Variants in WDHD1 observed in about 807,000 individuals in gnomAD.
WDHD1 encodes the protein WD repeat and HMG-box DNA-binding protein 1.
Under a neutral mutation model 135.4 loss-of-function variants are expected in WDHD1, and 111 were observed. The ratio of observed to expected loss-of-function variants is 0.82; its 90% CI spans 0.70 to 0.96. The LOEUF is 0.96. Among genes scored for constraint, WDHD1 ranks in the 40% least tolerant of loss-of-function variants. The pLI is 0.00. For synonymous variants in WDHD1, 434 were observed against 439.0 expected (o/e 0.99, Z 0.14); for missense variants, 1,351 against 1,336.3 (o/e 1.01, Z -0.17).
Position 54,963,166 on chromosome 14 carries a change from A to C in WDHD1, c.2317T>G (p.Cys773Gly). Residue 773 changes from cysteine (C) to glycine (G), a missense_variant, in exon 19 of 26, where the codon TGT becomes GGT. Physicochemically the swap from Cys to Gly is radical, Grantham distance 159 (BLOSUM62 -3). This residue lies in a region of WDHD1 where 1,330 missense variants were observed against 1,296.1 expected (regional missense o/e 1.03). Coordinates refer to ENST00000360586, the MANE Select transcript of WDHD1 (RefSeq NM_007086.4). Reference sequence around the variant, plus strand: ...CAACGGAATTCTCGCTCCAGTTTACAAGAAAGCTAATCCAAAAAGGGGGGG... The same window carrying C: ...CAACGGAATTCTCGCTCCAGTTTACCAGAAAGCTAATCCAAAAAGGGGGGG... ...ELLMKMLALS[C>G]KLEREFRCVE... 1.5e-6 allele frequency: 1 copy of C among 679,002 alleles called. No individual in the cohort carries two copies. The highest frequency in any genetic ancestry group is 1.4e-5 in the South Asian group (1 of 69,750). The allele number at this position is 679,002 out of a possible 1,614,324, so 42.1% of individuals were successfully genotyped here. A position where few individuals can be genotyped will look rare whatever the true frequency, so the allele number is the denominator to read the frequency against.
chr14:54,980,155 T>C (rs1245928014), intron 16 of WDHD1, among the ~76,000 whole-genome samples: 1 of 151,984 alleles, frequency 6.6e-6, no homozygotes, highest in Admixed American at 6.6e-5. Flanking sequence ...TGAAACCCTG[T>C]CTCTACAAAA....
In WDHD1 at chr14:55,008,703, T is replaced by C. The variant is rs2042113589; in HGVS notation, c.358A>G (p.Ile120Val). 3 of 1,610,508 alleles carry C rather than the reference T, an allele frequency of 1.9e-6. No homozygotes were observed. The highest frequency in any genetic ancestry group is 2.5e-6 in the Non-Finnish European group (3 of 1,179,088). ...TGGCTGCTATCCATCACATCCACAA[T>C]TTTGACTAGAAAATCACTAAGAACA... Reference protein sequence around the residue: ...AAGSSDFLVKIVDVMDSSQQK... With the variant: ...AAGSSDFLVKVVDVMDSSQQK... The change falls in exon 5 of 26, where the codon ATT (isoleucine) becomes GTT (valine). Residue 120 changes from isoleucine to valine, a missense_variant. By Grantham distance (29) the Ile-to-Val change is conservative. This residue lies in a region of WDHD1 where 1,330 missense variants were observed against 1,296.1 expected (regional missense o/e 1.03). Coordinates refer to ENST00000360586, the MANE Select transcript of WDHD1 (RefSeq NM_007086.4).
At chr14:54,950,732 A>G (rs8015172) in intron 24 of WDHD1, among the ~76,000 whole-genome samples, 43,620 of 152,056 alleles carry the variant, frequency 0.29, 6,349 homozygotes, top group South Asian at 0.32. Flanking sequence ...TCCAACACTG[A>G]CCACATAGTT....
intron 21 of WDHD1, among the ~76,000 whole-genome samples, chr14:54,957,949 C>T (rs1311312368): frequency 1.3e-5 from 2 of 152,162 alleles, no homozygotes; most frequent in African/African-American, 4.8e-5. Flanking sequence ...TTCTGCATCC[C>T]ATGCCCTCCT....
chr14:54,983,627 C>T (rs570995451), intron 15 of WDHD1, among the ~76,000 whole-genome samples: 29 of 151,824 alleles, frequency 1.9e-4, no homozygotes, highest in Non-Finnish European at 3.7e-4. Flanking sequence ...AAGCTGAGAT[C>T]GCATCATTGC....
At chr14:54,962,255 A>G (rs2041263991) in intron 21 of WDHD1, among the ~76,000 whole-genome samples, 1 of 152,120 alleles carries the variant, frequency 6.6e-6, no homozygotes, top group Admixed American at 6.6e-5. Context: ...GATCAACCAC[A>G]CATGTCTGTT....
At chr14:54,981,742 T>C in intron 15 of WDHD1, 46 bp from the exon 16 acceptor site, 1 of 1,317,482 alleles carries the variant, frequency 7.6e-7, no homozygotes. Context: ...CTACATGTTG[T>C]TAAAGGAACC....
intron 10 of WDHD1, 87 bp from the exon 11 acceptor site, chr14:54,995,900 C>G (rs1369521444): frequency 4.9e-6 from 5 of 1,013,082 alleles, no homozygotes; most frequent in Non-Finnish European, 5.5e-6. Context: ...TAATATGCAC[C>G]TATAAATTCT....
chr14:55,022,804 C>T (rs1566747979), intron 2 of WDHD1, among the ~76,000 whole-genome samples: 3 of 151,782 alleles, frequency 2.0e-5, no homozygotes, highest in Admixed American at 2.0e-4. Context: ...ATTCTATTGC[C>T]ATCTTGACCC....
chr14:54,987,814 A>G (rs748530453), intron 13 of WDHD1, among the ~76,000 whole-genome samples: 3 of 152,192 alleles, frequency 2.0e-5, no homozygotes, highest in Non-Finnish European at 4.4e-5. Context: ...TTTAGTAGAG[A>G]TGCAGTTTCA....
chr14:55,021,087 C>A (rs1414137806), intron 2 of WDHD1, among the ~76,000 whole-genome samples: 2 of 152,020 alleles, frequency 1.3e-5, no homozygotes, highest in Non-Finnish European at 2.9e-5. Flanking sequence ...CTTGGTGTGA[C>A]CTTATAAAAA....
At chr14:54,983,037 G>A (rs1268668067) in intron 15 of WDHD1, among the ~76,000 whole-genome samples, 4 of 151,992 alleles carry the variant, frequency 2.6e-5, no homozygotes, top group Non-Finnish European at 4.4e-5. Context: ...GGTGGTATGT[G>A]CCTGTAGTCC....
At chr14:55,025,290 G>A (rs1455313623) in intron 2 of WDHD1, among the ~76,000 whole-genome samples, 3 of 149,826 alleles carry the variant, frequency 2.0e-5, no homozygotes, top group African/African-American at 4.9e-5. Flanking sequence ...TTGTGACCCT[G>A]ACACATCCCC....
chr14:54,941,722 AT>A, intron 25 of WDHD1, 32 bp from the exon 26 acceptor site: 1 of 1,551,506 alleles, frequency 6.4e-7, no homozygotes, highest in Non-Finnish European at 8.7e-7. Context: ...AAAAGGAAAG[AT>A]TTTTAGAAAA....
In WDHD1 at chr14:54,941,525, G is replaced by A; in HGVS notation, c.3355C>T (p.Gln1119Ter). Reference protein sequence around the residue: ...KQKPLDFSTNQKLSAFAFKQE With the variant: ...KQKPLDFSTN ...TTAAATGCAAAAGCTGATAGTTTCT[G>A]ATTTGTAGAAAAATCTAAAGGTTTC... Residue 1119 changes from glutamine (Q) to a stop codon, truncating the protein, a stop_gained, in exon 26 of 26, where the codon CAG becomes TAG. Coordinates refer to ENST00000360586, the MANE Select transcript of WDHD1 (RefSeq NM_007086.4). LOFTEE classifies it high-confidence loss of function. The A allele has an allele frequency of 1.2e-6, 2 of 1,612,968 alleles. No homozygotes were observed. Among genetic ancestry groups the A allele is most frequent in the Non-Finnish European group, 8.5e-7 (1 of 1,179,788 alleles).
At position 54,984,746 on chromosome 14, in the gene WDHD1, G is replaced by T. The variant is rs754583330; in HGVS notation, c.1883C>A (p.Ala628Glu). The part of the protein sequence containing the change: ...PLPLTRKSYL[A>E]WIGFSAEGTP... The stretch of plus-strand genomic sequence containing the variant: ...GCCTTCAGCTGAAAACCCAATCCAT[G>T]CAAGGTAGGATTTCCTTGTAAGAGG... The change falls in exon 15 of 26, where the codon GCA becomes GAA. Residue 628 changes from alanine (A) to glutamate (E), a missense_variant. By Grantham distance (107) the Ala-to-Glu change is moderately radical. Coordinates refer to ENST00000360586, the MANE Select transcript of WDHD1 (RefSeq NM_007086.4). The T allele has an allele frequency of 1.2e-6, 2 of 1,612,496 alleles. No homozygotes were observed. The highest frequency in any genetic ancestry group is 8.5e-7 in the Non-Finnish European group (1 of 1,179,608).
chr14:54,998,907 G>A (rs1308948086), intron 10 of WDHD1, among the ~76,000 whole-genome samples: 1 of 152,294 alleles, frequency 6.6e-6, no homozygotes, highest in Middle Eastern at 3.4e-3. Context: ...CTTATGAAGT[G>A]TGCTAGACAC....
rs777932827 is a variant in WDHD1 at position 54,987,326 on chromosome 14, G to A, written c.1588C>T (p.Pro530Ser). 2 of 1,613,934 alleles carry A rather than the reference G, an allele frequency of 1.2e-6. No individual in the cohort carries two copies. The highest frequency in any genetic ancestry group is 3.3e-5 in the Admixed American group (2 of 59,990). Residue 530 changes from proline to serine, a missense_variant, in exon 14 of 26, where the codon CCT (proline) becomes TCT (serine). Pro to Ser is a moderately conservative substitution (Grantham distance 74, BLOSUM62 -1). Transcript: ENST00000360586. ...ATGGCTTCAATATCCTCATTCTGAG[G>A]CAAGTCTATTATCCACTCTTTGCTT... ...DSSKEWIIDL[P>S]QNEDIEAICL...
intron 24 of WDHD1, among the ~76,000 whole-genome samples, chr14:54,945,771 C>A (rs1380654539): frequency 6.6e-6 from 1 of 152,108 alleles, no homozygotes; most frequent in Non-Finnish European, 1.5e-5. Flanking sequence ...GAACTCCTGA[C>A]CTCATGATCC....
Sources: gnomAD v4.1 joint callset for allele counts (sites outside exome capture counted in the v4.1 genomes callset) on GRCh38, gnomAD v4.1.1 for gene constraint, gnomAD v4.1.1 regional missense constraint, MANE v1.5 for transcripts, NCBI Gene and HGNC (gene_info 2026-07-23, HGNC 2026-07-21) for gene names.